The following CNTLN variants were observed in gnomAD, a reference collection of about 807,000 sequenced individuals.
The protein encoded by CNTLN is centlein, centrosomal protein.
A neutral mutation model predicts 180.0 loss-of-function variants in CNTLN; 212 were observed. The ratio of observed to expected loss-of-function variants is 1.18; its 90% CI spans 1.05 to 1.32. CNTLN has a LOEUF of 1.32. Among genes scored for constraint, CNTLN ranks in the 40% most tolerant of loss-of-function variants. The probability of loss-of-function intolerance (pLI) is 0.00; values close to 1 mark genes in which losing one functional copy is unlikely to be tolerated. For synonymous variants in CNTLN, 722 were observed against 563.1 expected, an observed-to-expected ratio of 1.28 and a Z score of -3.99; for missense variants, 2,095 against 1,610.9, an observed-to-expected ratio of 1.30 and a Z score of -5.14.
intron 15 of CNTLN, among the ~76,000 whole-genome samples, chr9:17,400,787 T>A (rs1043462461): frequency 6.6e-6 from 1 of 152,164 alleles, no homozygotes; most frequent in African/African-American, 2.4e-5. Flanking sequence ...ATATGTTAAT[T>A]CATTCATTCA....
chr9:17,305,356 C>G (rs951693960), intron 7 of CNTLN, among the ~76,000 whole-genome samples: 1 of 151,992 alleles, frequency 6.6e-6, no homozygotes, highest in Non-Finnish European at 1.5e-5. Context: ...CTTATCCATT[C>G]GAGCTTTTTG....
At chr9:17,388,352 T>G (rs552776252) in intron 14 of CNTLN, 99 bp downstream of exon 14, 3 of 707,746 alleles carry the variant, frequency 4.2e-6, no homozygotes, top group East Asian at 5.3e-5. Flanking sequence ...GTAAACCTTG[T>G]GTGAATCCTT....
intron 18 of CNTLN, among the ~76,000 whole-genome samples, chr9:17,434,582 C>T (rs964410448): frequency 1.3e-5 from 2 of 151,862 alleles, no homozygotes; most frequent in Non-Finnish European, 2.9e-5. Flanking sequence ...TGACCAGAGG[C>T]TAGTCTGTGT....
At chr9:17,270,083 T>A (rs747147194) in intron 5 of CNTLN, among the ~76,000 whole-genome samples, 30 of 152,220 alleles carry the variant, frequency 2.0e-4, no homozygotes, top group Middle Eastern at 6.8e-3. Flanking sequence ...TGGCTGCTAA[T>A]AAGAATGGTT....
chr9:17,495,231 A>T (rs1402965864), intron 25 of CNTLN, among the ~76,000 whole-genome samples: 1 of 143,308 alleles, frequency 7.0e-6, no homozygotes, highest in African/African-American at 2.7e-5. Context: ...TATACTTATT[A>T]AAAAAAAAAA....
At position 17,332,643 on chromosome 9, in the gene CNTLN, G is replaced by C; in HGVS notation, c.1557G>C (p.Lys519Asn). 1 of 1,608,382 alleles carries C rather than the reference G, an allele frequency of 6.2e-7. No individual in the cohort carries two copies. The highest frequency in any genetic ancestry group is 8.5e-7 in the Non-Finnish European group (1 of 1,177,712). ...PVKRSRSLSP[K>N]SSFTDSEELQ... The stretch of plus-strand genomic sequence containing the variant: ...AACGTTCAAGGTCTTTGTCCCCAAA[G>C]AGCTCTTTCACAGACTCAGAAGAGC... Residue 519 changes from lysine to asparagine, a missense_variant, in exon 10 of 26, where the codon AAG becomes AAC. Physicochemically the swap from Lys to Asn is moderately conservative, Grantham distance 94 (BLOSUM62 0). Coordinates refer to ENST00000380647, the MANE Select transcript of CNTLN (RefSeq NM_017738.4).
At chr9:17,216,905 C>T (rs1389116030) in intron 2 of CNTLN, among the ~76,000 whole-genome samples, 1 of 152,216 alleles carries the variant, frequency 6.6e-6, no homozygotes, top group Non-Finnish European at 1.5e-5. Context: ...GGTAGCAATG[C>T]TGCCAGGCAG....
At chr9:17,381,728 A>G (rs1014745036) in intron 13 of CNTLN, among the ~76,000 whole-genome samples, 2 of 152,214 alleles carry the variant, frequency 1.3e-5, no homozygotes, top group South Asian at 2.1e-4. Flanking sequence ...TCATGAGTCT[A>G]TCAGCTGGGA....
intron 2 of CNTLN, among the ~76,000 whole-genome samples, chr9:17,204,918 C>T (rs1349119883): frequency 6.6e-6 from 1 of 152,200 alleles, no homozygotes; most frequent in Non-Finnish European, 1.5e-5. Context: ...AGCAGTCTGG[C>T]CACAACCGCT....
chr9:17,359,737 A>AAAAAAC (rs1564027317), intron 12 of CNTLN, among the ~76,000 whole-genome samples: 29 of 118,296 alleles, frequency 2.5e-4, no homozygotes, highest in African/African-American at 8.4e-4. Flanking sequence ...AAAAAAAAAA[A>AAAAAAC]AAAAAAAAAA....
chr9:17,250,134 C>T (rs1010709491), intron 5 of CNTLN, among the ~76,000 whole-genome samples: 1 of 151,456 alleles, frequency 6.6e-6, no homozygotes, highest in Non-Finnish European at 1.5e-5. Context: ...TCTCTTGTAA[C>T]CATTTCTGCC....
Position 17,502,685 on chromosome 9 carries a change from A to T in CNTLN, c.*33A>T. On this transcript the variant is annotated 3_prime_UTR_variant, in exon 26 of 26. Coordinates refer to ENST00000380647, the MANE Select transcript of CNTLN (RefSeq NM_017738.4). ...ATGGAGAGCTTTATTGCAAATGTGA[A>T]AACTTTTTATGTGGTGTGATTGGAA... 1 of 881,170 alleles carries T rather than the reference A, an allele frequency of 1.1e-6. No homozygotes were observed. Among genetic ancestry groups the T allele is most frequent in the Non-Finnish European group, 1.7e-6 (1 of 588,290 alleles). The allele number at this position is 881,170 out of a possible 1,614,324, so 54.6% of individuals were successfully genotyped here. A position where few individuals can be genotyped will look rare whatever the true frequency, so the allele number is the denominator to read the frequency against.
chr9:17,411,690 A>C (rs536201420), intron 16 of CNTLN, among the ~76,000 whole-genome samples: 2 of 152,320 alleles, frequency 1.3e-5, no homozygotes, highest in African/African-American at 4.8e-5. Context: ...TGTGAACTGC[A>C]CATGCAAGGG....
At chr9:17,378,719 T>A (rs1292542635) in intron 13 of CNTLN, among the ~76,000 whole-genome samples, 1 of 152,220 alleles carries the variant, frequency 6.6e-6, no homozygotes, top group African/African-American at 2.4e-5. Flanking sequence ...TACACTTTGC[T>A]CCACCAACTA....
chr9:17,495,395 C>A (rs1320816099), intron 25 of CNTLN, among the ~76,000 whole-genome samples: 1 of 151,996 alleles, frequency 6.6e-6, no homozygotes, highest in Non-Finnish European at 1.5e-5. Context: ...ATAGTGATGA[C>A]CCTGACCCTA....
intron 5 of CNTLN, among the ~76,000 whole-genome samples, chr9:17,266,616 C>A (rs144909251): frequency 6.6e-6 from 1 of 152,084 alleles, no homozygotes; most frequent in Non-Finnish European, 1.5e-5. Context: ...TCTCGTTGAT[C>A]TGTTTAGTGT....
chr9:17,299,681 C>G, intron 7 of CNTLN: 1 of 977,414 alleles, frequency 1.0e-6, no homozygotes, highest in Non-Finnish European at 1.2e-6. Flanking sequence ...TGACATTGCC[C>G]ACTGTGTTTT....
At chr9:17,490,990 A>G (rs749349068) in intron 25 of CNTLN, among the ~76,000 whole-genome samples, 3 of 152,038 alleles carry the variant, frequency 2.0e-5, no homozygotes, top group Middle Eastern at 3.2e-3. Flanking sequence ...TACTACCTTT[A>G]TATTCTAATT....
chr9:17,324,456 A>G (rs1034133662), intron 8 of CNTLN, among the ~76,000 whole-genome samples: 5 of 152,104 alleles, frequency 3.3e-5, no homozygotes, highest in Admixed American at 6.6e-5. Flanking sequence ...GGATTAGTTT[A>G]CTCTTAGGAT....
Sources: allele counts gnomAD v4.1 joint callset (sites outside exome capture counted in the v4.1 genomes callset), GRCh38; gene constraint gnomAD v4.1.1; transcripts MANE v1.5; gene names NCBI Gene and HGNC (gene_info 2026-07-23, HGNC 2026-07-21).